Variants in SCAND3 observed in about 807,000 individuals in gnomAD.
SCAND3 encodes the protein SCAN domain containing 3, also known as SCAN domain-containing protein 3.
chr6:28,615,064 C>G, the SCAND3 span, among the ~76,000 whole-genome samples: 1 of 152,130 alleles, frequency 6.6e-6, no homozygotes, highest in Non-Finnish European at 1.5e-5. Flanking sequence ...ATAAGGAAAA[C>G]AAAGTGCACA....
the SCAND3 span, among the ~76,000 whole-genome samples, chr6:28,577,613 C>T: frequency 6.6e-6 from 1 of 152,146 alleles, no homozygotes; most frequent in Non-Finnish European, 1.5e-5. Context: ...TAACATATAT[C>T]CCTAAGTTGT....
At chr6:28,580,420 C>T in the SCAND3 span, among the ~76,000 whole-genome samples, 143 of 149,068 alleles carry the variant, frequency 9.6e-4, no homozygotes, top group African/African-American at 3.0e-3. Context: ...TGCCACTGCA[C>T]GACAGAGCGA....
chr6:28,586,872 CTTG>C, the SCAND3 span: 1 of 636,162 alleles, frequency 1.6e-6, no homozygotes, highest in Non-Finnish European at 2.7e-6. This position sits in a 1 kb window ranked among gnomAD's most constrained non-coding sequence, Gnocchi z 4.4. Flanking sequence ...TTTAAAAGGA[CTTG>C]TTTACGTGAC....
At chr6:28,595,061 A>G in the SCAND3 span, among the ~76,000 whole-genome samples, 1 of 151,798 alleles carries the variant, frequency 6.6e-6, no homozygotes, top group African/African-American at 2.4e-5. Flanking sequence ...GTACCTGGGA[A>G]CATCGAAGAT....
chr6:28,610,730 C>A, the SCAND3 span, among the ~76,000 whole-genome samples: 2 of 152,110 alleles, frequency 1.3e-5, no homozygotes, highest in African/African-American at 4.8e-5. Flanking sequence ...TTTTACACAT[C>A]ATAAATATTT....
the SCAND3 span, chr6:28,574,504 T>C: frequency 1.4e-6 from 1 of 731,884 alleles, no homozygotes; most frequent in Non-Finnish European, 2.3e-6. Context: ...GCATTAAAAG[T>C]AATTAGGCCT....
chr6:28,610,711 A>G, the SCAND3 span, among the ~76,000 whole-genome samples: 2 of 152,218 alleles, frequency 1.3e-5, no homozygotes, highest in African/African-American at 4.8e-5. Context: ...TATAGTATAT[A>G]TTATGCTTTT....
At chr6:28,573,104 C>T in the SCAND3 span, 1 of 1,608,214 alleles carries the variant, frequency 6.2e-7, no homozygotes, top group Non-Finnish European at 8.5e-7. Flanking sequence ...AAGAACTCTT[C>T]CTTTATATCA....
the SCAND3 span, chr6:28,590,777 A>G: frequency 6.6e-6 from 1 of 152,254 alleles, no homozygotes; most frequent in African/African-American, 2.4e-5. Flanking sequence ...ACCATTGGTT[A>G]CACAGAGACT....
chr6:28,581,781 G>A, the SCAND3 span, among the ~76,000 whole-genome samples: 14 of 152,198 alleles, frequency 9.2e-5, no homozygotes. Flanking sequence ...CCAGAATTCT[G>A]TTGCATAGTT....
chr6:28,573,013 C>G, the SCAND3 span: 1 of 1,613,366 alleles, frequency 6.2e-7, no homozygotes, highest in Non-Finnish European at 8.5e-7. Context: ...AAATTCCAAA[C>G]CACATTTGTT....
chr6:28,577,706 C>T, the SCAND3 span, among the ~76,000 whole-genome samples: 1 of 152,164 alleles, frequency 6.6e-6, no homozygotes, highest in Non-Finnish European at 1.5e-5. Context: ...TGAACTCCAA[C>T]CGCTGCTTTG....
the SCAND3 span, chr6:28,585,415 T>C: frequency 1.7e-4 from 26 of 152,210 alleles, no homozygotes; most frequent in Non-Finnish European, 2.9e-4. Context: ...ATGGGAATTA[T>C]GTACAGTACT....
the SCAND3 span, chr6:28,591,118 G>C: frequency 2.0e-5 from 3 of 152,202 alleles, no homozygotes; most frequent in Admixed American, 2.0e-4. Context: ...CCATCGTCAA[G>C]CATCCACTTA....
the SCAND3 span, among the ~76,000 whole-genome samples, chr6:28,604,736 T>G: frequency 7.9e-5 from 12 of 152,224 alleles, no homozygotes; most frequent in African/African-American, 2.9e-4. Context: ...TATTGATATA[T>G]GTCAGACATA....
chr6:28,595,277 G>A, the SCAND3 span, among the ~76,000 whole-genome samples: 13,715 of 126,982 alleles, frequency 0.11, 1,218 homozygotes, highest in East Asian at 0.39. Flanking sequence ...AGTCTGGGAG[G>A]TGGAGGATCA....
the SCAND3 span, among the ~76,000 whole-genome samples, chr6:28,603,840 A>C: frequency 6.6e-6 from 1 of 152,210 alleles, no homozygotes; most frequent in Non-Finnish European, 1.5e-5. Context: ...CTGGATTTAC[A>C]AATTCAATGT....
chr6:28,593,693 C>A, the SCAND3 span: 1 of 152,130 alleles, frequency 6.6e-6, no homozygotes, highest in East Asian at 1.9e-4. Context: ...ACAAAAACTT[C>A]TTTTTTTGGC....
At chr6:28,583,893 G>A in the SCAND3 span, among the ~76,000 whole-genome samples, 10 of 152,104 alleles carry the variant, frequency 6.6e-5, no homozygotes, top group Non-Finnish European at 1.0e-4. Context: ...CAGCAGCTCC[G>A]CATTATCCTC....
Sources: allele counts gnomAD v4.1 joint callset (sites outside exome capture counted in the v4.1 genomes callset), GRCh38; gene constraint gnomAD v4.1.1; non-coding constraint Gnocchi (gnomAD v3.1); transcripts MANE v1.5; gene names NCBI Gene and HGNC (gene_info 2026-07-23, HGNC 2026-07-21).